Variants in KAZN observed in about 807,000 individuals in gnomAD.
KAZN encodes the protein kazrin.
Under a neutral mutation model 87.4 loss-of-function variants are expected in KAZN, and 40 were observed. That is an observed-to-expected ratio of 0.46 (90% CI 0.36 to 0.60). The LOEUF is 0.60. Ranked by LOEUF, KAZN falls within the 20% of genes least tolerant of loss-of-function variation. KAZN has a pLI of 0.00. For synonymous variants in KAZN, 466 were observed against 458.3 expected (o/e 1.02, Z -0.22); for missense variants, 898 against 1,073.9 (o/e 0.84, Z 2.29).
intron 2 of KAZN, among the ~76,000 whole-genome samples, chr1:14,237,070 T>G (rs1648494802): frequency 6.6e-6 from 1 of 152,214 alleles, no homozygotes. Context: ...AGAAAATGCC[T>G]TTTTCTGTTT....
intron 3 of KAZN, among the ~76,000 whole-genome samples, chr1:15,041,331 C>CTTTTTTTTTTTTTTTTTTTTTT (rs71000360): frequency 7.9e-4 from 90 of 114,124 alleles, no homozygotes; most frequent in African/African-American, 1.0e-3. Context: ...CATTTTTTTT[C>CTTTTTTTTTTTTTTTTTTTTTT]TTTTTTTTTT....
chr1:14,640,571 T>C (rs1680341345), intron 1 of KAZN, among the ~76,000 whole-genome samples: 1 of 152,186 alleles, frequency 6.6e-6, no homozygotes, highest in Non-Finnish European at 1.5e-5. Flanking sequence ...CTTAGTTCTT[T>C]CCAGAAGTAC....
At chr1:14,653,415 A>G (rs1391021409) in intron 1 of KAZN, among the ~76,000 whole-genome samples, 3 of 152,184 alleles carry the variant, frequency 2.0e-5, no homozygotes, top group African/African-American at 4.8e-5. Context: ...GTGGGAGACA[A>G]TGGGGTCCCT....
At chr1:14,134,600 GA>G (rs1198753055) in intron 1 of KAZN, among the ~76,000 whole-genome samples, 14 of 152,158 alleles carry the variant, frequency 9.2e-5, no homozygotes, top group Admixed American at 9.2e-4. Context: ...GGTAGCAGTA[GA>G]AATCTGTGTG....
At chr1:14,534,964 T>C (rs534192015) in intron 2 of KAZN, among the ~76,000 whole-genome samples, 1 of 152,242 alleles carries the variant, frequency 6.6e-6, no homozygotes, top group South Asian at 2.1e-4. Flanking sequence ...ATCTTGAGAC[T>C]CTCATCTTCA....
chr1:14,568,672 G>A (rs1674680716), intron 2 of KAZN, among the ~76,000 whole-genome samples: 2 of 152,136 alleles, frequency 1.3e-5, no homozygotes, highest in African/African-American at 2.4e-5. Context: ...ATTTGGGTGG[G>A]GACACAGAGC....
intron 1 of KAZN, among the ~76,000 whole-genome samples, chr1:14,168,399 C>T (rs1345004141): frequency 2.6e-5 from 4 of 152,090 alleles, no homozygotes; most frequent in Admixed American, 6.5e-5. Context: ...TTCTGGGATG[C>T]GCAGAGGGAG....
chr1:14,373,545 C>T (rs1660673389), intron 2 of KAZN, among the ~76,000 whole-genome samples: 1 of 152,196 alleles, frequency 6.6e-6, no homozygotes, highest in African/African-American at 2.4e-5. Context: ...TAACTTGATT[C>T]AAATGCTAAT....
chr1:14,786,276 G>T (rs1399284814), intron 1 of KAZN, among the ~76,000 whole-genome samples: 2 of 152,010 alleles, frequency 1.3e-5, no homozygotes, highest in Non-Finnish European at 2.9e-5. Flanking sequence ...TATAGCTCAG[G>T]CGCCTGCTCT....
chr1:14,317,329 A>G (rs1191455101), intron 2 of KAZN, among the ~76,000 whole-genome samples: 4 of 151,960 alleles, frequency 2.6e-5, no homozygotes, highest in Non-Finnish European at 4.4e-5. Flanking sequence ...ATTGATGTCA[A>G]TATAGCTACT....
chr1:14,026,691 A>G (rs78354266), intron 1 of KAZN, among the ~76,000 whole-genome samples: 4,009 of 152,274 alleles, frequency 0.026, 157 homozygotes, highest in African/African-American at 0.085. Context: ...TTCTGATTCA[A>G]TAGATCTGCA....
At chr1:14,468,481 T>C (rs1668281209) in intron 2 of KAZN, among the ~76,000 whole-genome samples, 1 of 152,152 alleles carries the variant, frequency 6.6e-6, no homozygotes, top group Non-Finnish European at 1.5e-5. Flanking sequence ...CGTGCCCACT[T>C]TGCAGGAGGT....
At chr1:14,542,471 C>A (rs1165436544) in intron 2 of KAZN, among the ~76,000 whole-genome samples, 2 of 152,192 alleles carry the variant, frequency 1.3e-5, no homozygotes, top group Non-Finnish European at 2.9e-5. Flanking sequence ...TAGGGTATAA[C>A]AACTACAAAT....
intron 2 of KAZN, among the ~76,000 whole-genome samples, chr1:14,548,651 T>C (rs12025585): frequency 0.5 from 76,415 of 152,104 alleles, 19,589 homozygotes; most frequent in South Asian, 0.6. Context: ...CCAGAACCCA[T>C]CCTTTTGAGC....
chr1:14,793,339 T>C (rs571129959), intron 1 of KAZN, among the ~76,000 whole-genome samples: 13 of 152,090 alleles, frequency 8.5e-5, no homozygotes, highest in Non-Finnish European at 1.6e-4. Flanking sequence ...TTTAAGATGT[T>C]TTTCCACATG....
intron 1 of KAZN, among the ~76,000 whole-genome samples, chr1:14,885,155 CCTT>C (rs971463407): frequency 4.6e-5 from 7 of 152,176 alleles, no homozygotes; most frequent in African/African-American, 1.7e-4. Context: ...TCCAGGTTCT[CCTT>C]CATTAACCTG....
chr1:14,815,808 C>T (rs1438263914), intron 1 of KAZN, among the ~76,000 whole-genome samples: 2 of 152,160 alleles, frequency 1.3e-5, no homozygotes, highest in African/African-American at 4.8e-5. Flanking sequence ...ATATCCACAT[C>T]AGGCAGTGAT....
chr1:15,091,552 G>A (rs777414636), intron 8 of KAZN, among the ~76,000 whole-genome samples: 10 of 152,128 alleles, frequency 6.6e-5, no homozygotes, highest in African/African-American at 1.2e-4. Context: ...GGATTTCACC[G>A]TGTTAGCCAG....
At chr1:13,967,008 C>A (rs1641970705) in intron 1 of KAZN, among the ~76,000 whole-genome samples, 1 of 152,128 alleles carries the variant, frequency 6.6e-6, no homozygotes, top group African/African-American at 2.4e-5. Flanking sequence ...TCCCACCCCA[C>A]CCCTCAGCCC....
Sources: allele counts gnomAD v4.1 joint callset (sites outside exome capture counted in the v4.1 genomes callset), GRCh38; gene constraint gnomAD v4.1.1; transcripts MANE v1.5; gene names NCBI Gene and HGNC (gene_info 2026-07-23, HGNC 2026-07-21).